Variants in RMDN2 observed in about 807,000 individuals in gnomAD.
RMDN2 encodes the protein regulator of microtubule dynamics protein 2.
RMDN2 carries 61 observed loss-of-function variants against 52.8 expected under a neutral mutation model. The ratio of observed to expected loss-of-function variants is 1.16; its 90% CI spans 0.94 to 1.43. The LOEUF (loss-of-function observed/expected upper bound fraction) is 1.43. RMDN2 is among the 40% of genes most tolerant of loss of function. The probability of loss-of-function intolerance (pLI) is 0.00; values close to 1 mark genes in which losing one functional copy is unlikely to be tolerated. For synonymous variants in RMDN2, 180 were observed against 153.1 expected (o/e 1.18, Z -1.30); for missense variants, 592 against 475.3 (o/e 1.25, Z -2.28).
intron 10 of RMDN2, chr2:38,012,716 C>T (rs902150268): frequency 2.6e-6 from 1 of 382,774 alleles, no homozygotes; most frequent in Admixed American, 4.0e-5. Context: ...ATATGTAATA[C>T]CCCTCCATCT....
At chr2:37,933,517 C>G (rs1033195012) in intron 2 of RMDN2, among the ~76,000 whole-genome samples, 2 of 152,290 alleles carry the variant, frequency 1.3e-5, no homozygotes, top group Non-Finnish European at 2.9e-5. Context: ...CGTCTGCAAT[C>G]CCGGCACCTC....
At chr2:37,968,935 T>C (rs1205347750) in intron 2 of RMDN2, among the ~76,000 whole-genome samples, 2 of 152,234 alleles carry the variant, frequency 1.3e-5, no homozygotes, top group Non-Finnish European at 2.9e-5. Flanking sequence ...ATGCCCTATT[T>C]TTAAAATTCT....
At chr2:38,007,801 G>T (rs962095163) in intron 10 of RMDN2, among the ~76,000 whole-genome samples, 1 of 152,028 alleles carries the variant, frequency 6.6e-6, no homozygotes, top group Non-Finnish European at 1.5e-5. Flanking sequence ...TGATGTTAGG[G>T]TGTCAATCTT....
At chr2:37,999,950 A>G (rs1281463850) in intron 8 of RMDN2, among the ~76,000 whole-genome samples, 1 of 152,236 alleles carries the variant, frequency 6.6e-6, no homozygotes, top group Non-Finnish European at 1.5e-5. Flanking sequence ...TGAAATGGCC[A>G]TAATAATACC....
At chr2:38,006,637 A>G (rs1489414570) in intron 10 of RMDN2, among the ~76,000 whole-genome samples, 2 of 152,230 alleles carry the variant, frequency 1.3e-5, no homozygotes, top group Non-Finnish European at 2.9e-5. Flanking sequence ...ATATACAATC[A>G]TGTCATCTGC....
chr2:37,937,925 T>C (rs978552039), intron 2 of RMDN2, among the ~76,000 whole-genome samples: 1 of 152,232 alleles, frequency 6.6e-6, no homozygotes, highest in African/African-American at 2.4e-5. Flanking sequence ...TCCAGTGCTA[T>C]GTTGAATAGG....
intron 10 of RMDN2, among the ~76,000 whole-genome samples, chr2:38,040,986 ATTGTG>A (rs1328945329): frequency 6.6e-6 from 1 of 152,148 alleles, no homozygotes; most frequent in Non-Finnish European, 1.5e-5. Flanking sequence ...TGGAAATGCT[ATTGTG>A]TTTTTAATTT....
Position 37,929,559 on chromosome 2 carries a change from A to G in RMDN2, c.282A>G (p.Arg94=), listed in dbSNP as rs200186140. The change falls in exon 2 of 11, where the codon AGA becomes AGG. Residue 94 remains arginine, a synonymous_variant. Coordinates refer to ENST00000354545, the MANE Select transcript of RMDN2 (RefSeq NM_001170791.3). The part of the protein sequence containing the change: ...TNMEELKEEI[R]FLKEAIPKLE... ...TGGAAGAACTCAAAGAGGAAATCAG[A>G]TTTCTTAAAGAAGCTATTCCAAAGC... is the stretch of plus-strand genomic sequence containing the variant. The G allele has an allele frequency of 1.2e-4, 185 of 1,551,800 alleles. No individual in the cohort carries two copies. Among genetic ancestry groups the G allele is most frequent in the Middle Eastern group, 3.3e-4 (2 of 6,016 alleles).
chr2:38,034,731 A>T (rs1331537413), intron 10 of RMDN2, among the ~76,000 whole-genome samples: 2 of 150,850 alleles, frequency 1.3e-5, no homozygotes, highest in Non-Finnish European at 3.0e-5. Context: ...TTATTTATAA[A>T]TTATACGTAT....
intron 5 of RMDN2, among the ~76,000 whole-genome samples, chr2:37,987,281 G>A (rs1674149717): frequency 6.6e-6 from 1 of 152,034 alleles, no homozygotes; most frequent in African/African-American, 2.4e-5. Flanking sequence ...ATCTCTATGA[G>A]AAACGCTTAA....
intron 8 of RMDN2, among the ~76,000 whole-genome samples, chr2:38,003,597 TAGATAGGC>T (rs1558537244): frequency 7.8e-6 from 1 of 128,742 alleles, no homozygotes; most frequent in Non-Finnish European, 1.8e-5. Context: ...GATAGATAGA[TAGATAGGC>T]AGACAGACAG....
rs1198666962 is a variant in RMDN2 at position 38,064,880 on chromosome 2, TCCC to T, written c.1714-2100_1714-2098del. On this transcript the variant is annotated intron_variant, in intron 10 of 10. Coordinates refer to the RMDN2 transcript ENST00000234195. ...TGTTGGTGGGGAAGTGGGTACAGCT[TCCC>T]CTCATGCACAGCTGATGGGAGTGTG... Among the ~76,000 whole-genome samples the T allele has an allele frequency of 4.8e-4, 73 of 152,154 alleles. 3 individuals carry two copies. Among genetic ancestry groups the T allele is most frequent in the Non-Finnish European group, 5.9e-5 (4 of 68,022 alleles).
chr2:38,052,828 T>C (rs145888735), intron 10 of RMDN2, among the ~76,000 whole-genome samples: 296 of 152,346 alleles, frequency 1.9e-3, no homozygotes, highest in Non-Finnish European at 2.9e-3. Context: ...AAAATGTTAA[T>C]GCTACTTTGA....
At chr2:37,954,112 A>G (rs116740350) in intron 2 of RMDN2, among the ~76,000 whole-genome samples, 2,210 of 152,036 alleles carry the variant, frequency 0.015, 54 homozygotes, top group African/African-American at 0.049. Context: ...TTTAAAAAAG[A>G]TATAATTTGC....
At chr2:38,048,071 A>C (rs779089647) in intron 10 of RMDN2, among the ~76,000 whole-genome samples, 1 of 152,208 alleles carries the variant, frequency 6.6e-6, no homozygotes, top group Non-Finnish European at 1.5e-5. Flanking sequence ...ATTGAAATCA[A>C]AGTTTCAGAT....
chr2:37,968,193 C>T (rs1028663614), intron 2 of RMDN2, among the ~76,000 whole-genome samples: 1 of 152,054 alleles, frequency 6.6e-6, no homozygotes, highest in Non-Finnish European at 1.5e-5. Context: ...GTAATCCCAG[C>T]ACTTTGGGAG....
intron 2 of RMDN2, among the ~76,000 whole-genome samples, chr2:37,971,492 A>G (rs1671804068): frequency 1.3e-5 from 2 of 152,188 alleles, no homozygotes; most frequent in Non-Finnish European, 2.9e-5. Context: ...TGTATTTTGT[A>G]CTAGATTTTT....
chr2:37,992,583 G>A (rs1011212492), intron 7 of RMDN2, among the ~76,000 whole-genome samples: 14 of 152,134 alleles, frequency 9.2e-5, no homozygotes, highest in Non-Finnish European at 1.6e-4. Flanking sequence ...AGGAAAGAAT[G>A]CACATTTTAC....
intron 10 of RMDN2, among the ~76,000 whole-genome samples, chr2:38,056,768 GGAA>G (rs1200319827): frequency 6.6e-6 from 1 of 152,200 alleles, no homozygotes; most frequent in Non-Finnish European, 1.5e-5. Flanking sequence ...GACCCAATTA[GGAA>G]GAAGAACTTA....
Sources: gnomAD v4.1 joint callset for allele counts (sites outside exome capture counted in the v4.1 genomes callset) on GRCh38, gnomAD v4.1.1 for gene constraint, MANE v1.5 for transcripts, NCBI Gene and HGNC (gene_info 2026-07-23, HGNC 2026-07-21) for gene names.